PHF24: variants seen among roughly 807,000 people sequenced by gnomAD.
PHF24 encodes the protein PHD finger protein 24.
Under a neutral mutation model 42.6 loss-of-function variants are expected in PHF24, and 25 were observed. The observed-to-expected ratio is 0.59, with a 90% confidence interval of 0.43 to 0.82. PHF24 has a LOEUF of 0.82. PHF24 is among the 40% of genes least tolerant of loss of function. The pLI, the probability that PHF24 is intolerant of heterozygous loss-of-function variation, is 0.00. For missense variants in PHF24, 470 were observed against 538.1 expected (o/e 0.87, Z 1.25); for synonymous variants, 185 against 204.8 (o/e 0.90, Z 0.83).
chr9:34,898,494 C>G, the PHF24 span, among the ~76,000 whole-genome samples: 1 of 152,102 alleles, frequency 6.6e-6, no homozygotes, highest in African/African-American at 2.4e-5. Context: ...AAGAAGAGTC[C>G]TACCTGAAAA....
chr9:34,701,453 G>C, the PHF24 span, among the ~76,000 whole-genome samples: 3 of 152,174 alleles, frequency 2.0e-5, no homozygotes, highest in African/African-American at 7.2e-5. The surrounding 1 kb of genome is among the most constrained non-coding windows in gnomAD (Gnocchi z 5.8). Context: ...GCCTGCAGGG[G>C]GCGCCCCGAG....
At chr9:34,938,933 T>C in the PHF24 span, among the ~76,000 whole-genome samples, 1 of 28,138 alleles carries the variant, frequency 3.6e-5, no homozygotes, top group South Asian at 1.0e-3. Flanking sequence ...CGAGACTCCA[T>C]CAAAAAAAAA....
chr9:34,690,240 A>G, the PHF24 span: 1 of 1,614,104 alleles, frequency 6.2e-7, no homozygotes, highest in Non-Finnish European at 8.5e-7. Flanking sequence ...GCCATCCTTG[A>G]TGAGAAGGTA....
chr9:34,702,084 A>G, the PHF24 span, among the ~76,000 whole-genome samples: 3 of 152,128 alleles, frequency 2.0e-5, no homozygotes, highest in South Asian at 2.1e-4. Flanking sequence ...GGGCTGGAGG[A>G]TGAAGGGCTA....
At chr9:34,850,419 C>T in the PHF24 span, among the ~76,000 whole-genome samples, 19 of 152,364 alleles carry the variant, frequency 1.2e-4, no homozygotes, top group Non-Finnish European at 2.2e-4. Flanking sequence ...CTGCATTCTT[C>T]ACGTAGTTCT....
At chr9:34,744,595 G>T in the PHF24 span, among the ~76,000 whole-genome samples, 2 of 152,106 alleles carry the variant, frequency 1.3e-5, no homozygotes, top group African/African-American at 4.8e-5. Context: ...AAAGAATAAA[G>T]GCAACTTAAA....
chr9:34,819,534 C>A, the PHF24 span, among the ~76,000 whole-genome samples: 90,722 of 151,856 alleles, frequency 0.6, 27,396 homozygotes, highest in Non-Finnish European at 0.62. Flanking sequence ...ATTTTTAATT[C>A]TCCTTTTGAG....
chr9:34,905,285 C>T, the PHF24 span, among the ~76,000 whole-genome samples: 3 of 152,082 alleles, frequency 2.0e-5, no homozygotes, highest in East Asian at 5.8e-4. Context: ...ACAACCTGAC[C>T]TCCTACCAGA....
the PHF24 span, chr9:34,894,935 G>A: frequency 1.3e-5 from 5 of 397,702 alleles, no homozygotes; most frequent in Non-Finnish European, 2.2e-5. Flanking sequence ...AGAGTCTGCA[G>A]TGGTTAGAGC....
the PHF24 span, among the ~76,000 whole-genome samples, chr9:34,945,060 T>C: frequency 2.0e-5 from 3 of 152,194 alleles, no homozygotes; most frequent in Admixed American, 2.0e-4. Flanking sequence ...GTATGCACTG[T>C]TCCCCCCATG....
chr9:34,969,694 T>A (rs1394344212), intron 1 of PHF24, among the ~76,000 whole-genome samples: 1 of 152,068 alleles, frequency 6.6e-6, no homozygotes, highest in Non-Finnish European at 1.5e-5. Context: ...TTATCCTTCA[T>A]CCAATCAATT....
the PHF24 span, among the ~76,000 whole-genome samples, chr9:34,851,269 C>T: frequency 3.3e-4 from 51 of 152,300 alleles, no homozygotes; most frequent in East Asian, 7.5e-3. Flanking sequence ...TCAAGCTTCC[C>T]GGCTGCTTTG....
chr9:34,717,603 G>A, the PHF24 span, among the ~76,000 whole-genome samples: 1 of 152,072 alleles, frequency 6.6e-6, no homozygotes, highest in Non-Finnish European at 1.5e-5. Context: ...TGAGACCAGG[G>A]GTATGCACGT....
At chr9:34,912,971 A>C in the PHF24 span, among the ~76,000 whole-genome samples, 1 of 152,210 alleles carries the variant, frequency 6.6e-6, no homozygotes, top group Non-Finnish European at 1.5e-5. Flanking sequence ...GAAATATAGA[A>C]GCTCTAAGCA....
chr9:34,967,670 G>A lies in PHF24; in HGVS notation c.-4-3625G>A, dbSNP rs550476374. Among the ~76,000 whole-genome samples the A allele has an allele frequency of 3.9e-5, 6 of 152,304 alleles. No homozygotes were observed. In the East Asian group the frequency reaches 1.2e-3, roughly 29 times the overall value. On this transcript the variant is annotated intron_variant, in intron 1 of 7. Transcript: ENST00000242315. ...ATCCCACCCAGCCATCGAACACGCT[G>A]TTGCCCATGAGGCATTTGAGCAGCA...
the PHF24 span, among the ~76,000 whole-genome samples, chr9:34,946,808 GAGA>G: frequency 5.5e-4 from 83 of 152,228 alleles, 1 homozygote; most frequent in African/African-American, 1.9e-3. Flanking sequence ...TGAAATTTGG[GAGA>G]AGAAGATGAG....
At chr9:34,962,477 G>A (rs1321491725) in intron 1 of PHF24, among the ~76,000 whole-genome samples, 1 of 150,946 alleles carries the variant, frequency 6.6e-6, no homozygotes, top group Admixed American at 6.6e-5. Flanking sequence ...CATACTCACT[G>A]CATTCTCACA....
chr9:34,680,490 C>T, the PHF24 span, among the ~76,000 whole-genome samples: 10 of 151,520 alleles, frequency 6.6e-5, no homozygotes, highest in African/African-American at 2.4e-4. Flanking sequence ...AGATCGAGAC[C>T]ATCCTGGCTA....
the PHF24 span, among the ~76,000 whole-genome samples, chr9:34,840,369 A>G: frequency 1.8e-5 from 2 of 110,482 alleles, no homozygotes; most frequent in Non-Finnish European, 3.6e-5. Flanking sequence ...TCACAAAGGG[A>G]AAGATAGTAT....
Sources: allele counts gnomAD v4.1 joint callset (sites outside exome capture counted in the v4.1 genomes callset), GRCh38; gene constraint gnomAD v4.1.1; non-coding constraint Gnocchi (gnomAD v3.1); transcripts MANE v1.5; gene names NCBI Gene and HGNC (gene_info 2026-07-23, HGNC 2026-07-21).